TFB1M: variants seen among roughly 807,000 people sequenced by gnomAD.
TFB1M encodes the protein dimethyladenosine transferase 1, mitochondrial.
TFB1M carries 27 observed loss-of-function variants against 31.1 expected under a neutral mutation model. The ratio of observed to expected loss-of-function variants is 0.87; its 90% CI spans 0.64 to 1.20. TFB1M has a LOEUF of 1.20. TFB1M is among the 50% of genes most tolerant of loss of function. The probability of loss-of-function intolerance (pLI) is 0.00; values close to 1 mark genes in which losing one functional copy is unlikely to be tolerated. For synonymous variants in TFB1M, 166 were observed against 151.8 expected (o/e 1.09, Z -0.69); for missense variants, 394 against 418.7 (o/e 0.94, Z 0.51).
the TFB1M span, chr6:155,232,758 T>C: frequency 6.6e-6 from 1 of 152,196 alleles, no homozygotes; most frequent in African/African-American, 2.4e-5. Context: ...TACTGCAAAG[T>C]GACGGGACCA....
At chr6:155,251,050 C>T in the TFB1M span, 1 of 1,590,440 alleles carries the variant, frequency 6.3e-7, no homozygotes, top group Non-Finnish European at 8.6e-7. Context: ...AGAATGCAGA[C>T]TGAACAGAGG....
At chr6:155,246,360 A>C in the TFB1M span, among the ~76,000 whole-genome samples, 4 of 152,164 alleles carry the variant, frequency 2.6e-5, no homozygotes, top group Non-Finnish European at 5.9e-5. Context: ...ACATTTAAAA[A>C]GTGGGGTCTT....
intron 1 of TFB1M, among the ~76,000 whole-genome samples, chr6:155,312,925 TA>T (rs1778080564): frequency 6.6e-6 from 1 of 152,092 alleles, no homozygotes; most frequent in Non-Finnish European, 1.5e-5. Context: ...GGCAATCTTT[TA>T]AAGTAGTAGG....
At chr6:155,276,533 C>T in intron 5 of TFB1M, 1 of 653,670 alleles carries the variant, frequency 1.5e-6, no homozygotes, top group Non-Finnish European at 2.6e-6. Context: ...GCCAATAAAA[C>T]TATCATATAC....
chr6:155,254,613 T>C (rs187157963), downstream of TFB1M: 1 of 1,598,982 alleles, frequency 6.3e-7, no homozygotes, highest in African/African-American at 1.3e-5. Context: ...CAACAAAATA[T>C]TATGAGCTTC....
the TFB1M span, chr6:155,244,156 G>A: frequency 2.3e-6 from 3 of 1,331,358 alleles, no homozygotes; most frequent in Non-Finnish European, 2.2e-6. Context: ...ACTCCTATGA[G>A]AGTATCTCTG....
chr6:155,276,506 A>G, intron 5 of TFB1M: 2 of 855,404 alleles, frequency 2.3e-6, no homozygotes, highest in South Asian at 1.9e-5. Flanking sequence ...TTTAACAACT[A>G]CAAAGTAGTT....
At chr6:155,282,388 G>A (rs1319179578) in intron 5 of TFB1M, among the ~76,000 whole-genome samples, 1 of 152,208 alleles carries the variant, frequency 6.6e-6, no homozygotes, top group East Asian at 1.9e-4. Flanking sequence ...TTGAGAAACA[G>A]AAGGGACAGC....
intron 4 of TFB1M, among the ~76,000 whole-genome samples, chr6:155,286,386 G>A: frequency 6.6e-6 from 1 of 151,098 alleles, no homozygotes; most frequent in Middle Eastern, 3.4e-3. Context: ...ACACATATAT[G>A]TATATATGTA....
At chr6:155,305,634 T>TAA (rs1289753246) in intron 2 of TFB1M, among the ~76,000 whole-genome samples, 1 of 87,682 alleles carries the variant, frequency 1.1e-5, no homozygotes, top group African/African-American at 5.0e-5. Flanking sequence ...TATTTATATA[T>TAA]ATAAATATAT....
chr6:155,253,683 G>A, downstream of TFB1M: 1 of 293,140 alleles, frequency 3.4e-6, no homozygotes, highest in Non-Finnish European at 6.2e-6. Context: ...AAAGGAGGTT[G>A]AAGAATAGGA....
chr6:155,275,813 G>A, intron 5 of TFB1M: 1 of 1,614,144 alleles, frequency 6.2e-7, no homozygotes, highest in Non-Finnish European at 8.5e-7. Flanking sequence ...CAACTGGAAG[G>A]TGAATGTGGA....
chr6:155,295,347 CAG>C (rs1777119663), intron 4 of TFB1M, among the ~76,000 whole-genome samples: 1 of 149,622 alleles, frequency 6.7e-6, no homozygotes, highest in South Asian at 2.1e-4. Context: ...GCCTGGGTGA[CAG>C]AGTGAGACTC....
chr6:155,277,359 T>C (rs1785272149), intron 5 of TFB1M, among the ~76,000 whole-genome samples: 1 of 152,234 alleles, frequency 6.6e-6, no homozygotes, highest in African/African-American at 2.4e-5. Context: ...GCTTTTAAAA[T>C]ATAAATTATG....
chr6:155,234,218 T>C, the TFB1M span, among the ~76,000 whole-genome samples: 2 of 152,172 alleles, frequency 1.3e-5, no homozygotes, highest in African/African-American at 4.8e-5. Context: ...TGCCCGTGTT[T>C]TTTATTCTGC....
chr6:155,285,244 T>G lies in TFB1M; in HGVS notation c.580A>C (p.Ser194Arg). ...LAANTGSKQR[S>R]RLSVMAQYLC... ...TACTGAGCCATAACAGAGAGGCGAC[T>G]ACGCTGTTTGCTTCCTGTATTGGCT... The change falls in exon 5 of 7, where the codon AGT (serine) becomes CGT (arginine). Residue 194 changes from serine (S) to arginine (R), a missense_variant. Transcript: ENST00000367166. 1 of 1,614,044 alleles carries G rather than the reference T, an allele frequency of 6.2e-7. No homozygotes were observed. The highest frequency in any genetic ancestry group is 8.5e-7 in the Non-Finnish European group (1 of 1,179,890).
intron 5 of TFB1M, among the ~76,000 whole-genome samples, chr6:155,266,317 G>A (rs1031695196): frequency 1.5e-4 from 23 of 152,118 alleles, no homozygotes; most frequent in Non-Finnish European, 3.1e-4. Context: ...GAGCCTCTTG[G>A]GGCTTTTCCA....
chr6:155,242,644 A>G, the TFB1M span, among the ~76,000 whole-genome samples: 1,234 of 152,352 alleles, frequency 8.1e-3, 10 homozygotes, highest in Middle Eastern at 0.014. Flanking sequence ...TTTGCAGTCA[A>G]CTGCTTCTAG....
At chr6:155,271,921 T>C (rs908808788) in intron 5 of TFB1M, among the ~76,000 whole-genome samples, 5 of 152,176 alleles carry the variant, frequency 3.3e-5, no homozygotes. Flanking sequence ...ATTCCCTCCC[T>C]TCCCCGCCTC....
Sources: allele counts gnomAD v4.1 joint callset (sites outside exome capture counted in the v4.1 genomes callset), GRCh38; gene constraint gnomAD v4.1.1; transcripts MANE v1.5; gene names NCBI Gene and HGNC (gene_info 2026-07-23, HGNC 2026-07-21).